ZDHHC2: variants seen among roughly 807,000 people sequenced by gnomAD.
The protein encoded by ZDHHC2 is zDHHC palmitoyltransferase 2, also known as palmitoyltransferase ZDHHC2.
A neutral mutation model predicts 55.6 loss-of-function variants in ZDHHC2; 51 were observed. The observed-to-expected ratio is 0.92, with a 90% CI of 0.73 to 1.16. The LOEUF (loss-of-function observed/expected upper bound fraction) is 1.16. Ranked by LOEUF, ZDHHC2 falls within the 50% of genes most tolerant of loss-of-function variation. The pLI is 0.00. For missense variants in ZDHHC2, 491 were observed against 442.4 expected, an observed-to-expected ratio of 1.11 and a Z score of -0.99; for synonymous variants, 199 against 152.9, an observed-to-expected ratio of 1.30 and a Z score of -2.22.
chr8:17,188,805 A>G (rs1805864628), intron 3 of ZDHHC2, among the ~76,000 whole-genome samples: 1 of 152,218 alleles, frequency 6.6e-6, no homozygotes, highest in Non-Finnish European at 1.5e-5. Context: ...AACTGAAAAC[A>G]AACTTCTGAT....
chr8:17,195,386 T>C, intron 3 of ZDHHC2, 118 bp from the exon 4 acceptor site: 1 of 1,206,126 alleles, frequency 8.3e-7, no homozygotes, highest in South Asian at 1.6e-5. Context: ...TATTGTCTCT[T>C]TGAATGTACA....
At chr8:17,173,421 A>G (rs953307982) in intron 1 of ZDHHC2, among the ~76,000 whole-genome samples, 1 of 152,186 alleles carries the variant, frequency 6.6e-6, no homozygotes, top group East Asian at 1.9e-4. Flanking sequence ...CATGCCTGTC[A>G]TCCCAGCACT....
chr8:17,214,275 T>C (rs1585742111), intron 10 of ZDHHC2, among the ~76,000 whole-genome samples: 1 of 152,228 alleles, frequency 6.6e-6, no homozygotes, highest in East Asian at 1.9e-4. Flanking sequence ...AGAAGACTGC[T>C]CATTCCCCAG....
chr8:17,199,893 A>G (rs1397623029), intron 6 of ZDHHC2, among the ~76,000 whole-genome samples: 3 of 151,094 alleles, frequency 2.0e-5, no homozygotes, highest in Admixed American at 1.3e-4. Context: ...CTGAGTAGCC[A>G]GACTACAGGC....
At chr8:17,198,239 A>G in intron 5 of ZDHHC2, 142 bp from the exon 6 acceptor site, 1 of 669,496 alleles carries the variant, frequency 1.5e-6, no homozygotes, top group Non-Finnish European at 2.3e-6. Flanking sequence ...TTCTGCTATT[A>G]TCCAATTTTT....
intron 1 of ZDHHC2, among the ~76,000 whole-genome samples, chr8:17,164,198 C>G (rs1194589126): frequency 6.6e-6 from 1 of 152,134 alleles, no homozygotes; most frequent in African/African-American, 2.4e-5. Context: ...GACTTTTTAT[C>G]TGGCCATGAC....
At chr8:17,187,988 C>T (rs1483836012) in intron 3 of ZDHHC2, among the ~76,000 whole-genome samples, 1 of 152,252 alleles carries the variant, frequency 6.6e-6, no homozygotes, top group Non-Finnish European at 1.5e-5. Flanking sequence ...TCTGGGTCTT[C>T]ATCATCTCCC....
chr8:17,174,982 T>C (rs1291938012), intron 1 of ZDHHC2, among the ~76,000 whole-genome samples: 1 of 152,070 alleles, frequency 6.6e-6, no homozygotes, highest in African/African-American at 2.4e-5. Context: ...CTGCCTTAGC[T>C]TCCCAAAGTG....
intron 1 of ZDHHC2, among the ~76,000 whole-genome samples, chr8:17,177,772 G>A: frequency 6.6e-6 from 1 of 151,736 alleles, no homozygotes; most frequent in East Asian, 1.9e-4. Flanking sequence ...GTGTGTGTGT[G>A]TGTTTGTGTG....
chr8:17,177,752 TTGTG>T (rs10570051), intron 1 of ZDHHC2, among the ~76,000 whole-genome samples: 8 of 148,670 alleles, frequency 5.4e-5, no homozygotes, highest in African/African-American at 9.9e-5. Flanking sequence ...TTTGGGGTGT[TTGTG>T]TGTGTGTGTG....
chr8:17,180,583 G>A (rs951348527), intron 1 of ZDHHC2, among the ~76,000 whole-genome samples: 11 of 152,012 alleles, frequency 7.2e-5, no homozygotes, highest in African/African-American at 2.4e-4. Context: ...TATTATAATT[G>A]TACATTCATG....
intron 8 of ZDHHC2, 101 bp from the exon 9 acceptor site, chr8:17,209,831 A>G (rs1490063419): frequency 1.5e-6 from 2 of 1,367,940 alleles, no homozygotes; most frequent in South Asian, 1.6e-5. Flanking sequence ...CTAGCCATTG[A>G]TTTTCAGAGT....
At chr8:17,180,051 C>T (rs1413504603) in intron 1 of ZDHHC2, among the ~76,000 whole-genome samples, 3 of 152,156 alleles carry the variant, frequency 2.0e-5, no homozygotes, top group African/African-American at 7.2e-5. Context: ...ATGGTGCCAT[C>T]CACCAGATGT....
chr8:17,165,195 T>G (rs1241909557), intron 1 of ZDHHC2, among the ~76,000 whole-genome samples: 1 of 152,194 alleles, frequency 6.6e-6, no homozygotes, highest in Non-Finnish European at 1.5e-5. Flanking sequence ...ACACTGAAAG[T>G]CATAAGCTTG....
In ZDHHC2 at chr8:17,224,371, CAATT is replaced by C. The variant is rs1808038682; in HGVS notation, c.*4153_*4156del. The C allele has an allele frequency of 6.6e-6, 1 of 151,574 alleles. No individual in the cohort carries two copies. The highest frequency in any genetic ancestry group is 2.4e-5 in the African/African-American group (1 of 41,358). The allele number at this position is 151,574 out of a possible 1,614,324, so 9.4% of individuals were successfully genotyped here. A position where few individuals can be genotyped will look rare whatever the true frequency, so the allele number is the denominator to read the frequency against. The stretch of plus-strand genomic sequence containing the variant: ...CTAATCATCTGAGTGATTTGAGTAG[CAATT>C]AAACCAAAGGGAAACTTTTAATAAG... On this transcript the variant is annotated 3_prime_UTR_variant, in exon 13 of 13. Transcript: ENST00000262096.
chr8:17,173,793 A>G (rs1346688127), intron 1 of ZDHHC2, among the ~76,000 whole-genome samples: 1 of 152,160 alleles, frequency 6.6e-6, no homozygotes, highest in Non-Finnish European at 1.5e-5. Flanking sequence ...GGATGCTGCA[A>G]GCTATATTCT....
At chr8:17,185,655 G>A (rs545238244) in intron 2 of ZDHHC2, among the ~76,000 whole-genome samples, 1 of 152,136 alleles carries the variant, frequency 6.6e-6, no homozygotes, top group Non-Finnish European at 1.5e-5. Flanking sequence ...GTGAGACCCT[G>A]TCTCAAAAAA....
intron 6 of ZDHHC2, 144 bp from the exon 7 acceptor site, chr8:17,205,511 G>C (rs1465990422): frequency 1.1e-6 from 1 of 893,524 alleles, no homozygotes; most frequent in Non-Finnish European, 1.6e-6. Flanking sequence ...TTACATGATT[G>C]TATGCATAAA....
chr8:17,205,079 CTT>C (rs1398144497), intron 6 of ZDHHC2, among the ~76,000 whole-genome samples: 1 of 152,202 alleles, frequency 6.6e-6, no homozygotes, highest in African/African-American at 2.4e-5. Context: ...GATGATTTCA[CTT>C]CCTCAGGGCC....
Sources: gnomAD v4.1 joint callset for allele counts (sites outside exome capture counted in the v4.1 genomes callset) on GRCh38, gnomAD v4.1.1 for gene constraint, MANE v1.5 for transcripts, NCBI Gene and HGNC (gene_info 2026-07-23, HGNC 2026-07-21) for gene names.